WIPF2: variants seen among roughly 807,000 people sequenced by gnomAD.
WIPF2 encodes the protein WAS/WASL interacting protein family member 2, also known as WAS/WASL-interacting protein family member 2.
A neutral mutation model predicts 38.8 loss-of-function variants in WIPF2; 23 were observed. The observed-to-expected ratio is 0.59, with a 90% CI of 0.43 to 0.84. The LOEUF is 0.84. Among genes scored for constraint, WIPF2 ranks in the 40% least tolerant of loss-of-function variants. WIPF2 has a pLI of 0.00. For missense variants in WIPF2, 574 were observed against 580.5 expected, an observed-to-expected ratio of 0.99 and a Z score of 0.11; for synonymous variants, 210 against 223.2, an observed-to-expected ratio of 0.94 and a Z score of 0.53.
intron 1 of WIPF2, among the ~76,000 whole-genome samples, chr17:40,230,175 T>C (rs981260340): frequency 2.6e-5 from 4 of 152,116 alleles, no homozygotes; most frequent in Non-Finnish European, 5.9e-5. Flanking sequence ...CCCCAGTCTC[T>C]ATATAATTAA....
intron 1 of WIPF2, among the ~76,000 whole-genome samples, chr17:40,246,939 G>A (rs956529575): frequency 3.3e-5 from 5 of 151,742 alleles, no homozygotes; most frequent in African/African-American, 1.2e-4. Context: ...GTGAAACCCC[G>A]TCTCTACTAA....
At chr17:40,228,698 G>A (rs1376746937) in intron 1 of WIPF2, among the ~76,000 whole-genome samples, 1 of 151,750 alleles carries the variant, frequency 6.6e-6, no homozygotes, top group Non-Finnish European at 1.5e-5. Context: ...GTGCAAACAT[G>A]GTTCATTGTA....
chr17:40,219,447 G>A lies in WIPF2; in HGVS notation c.-115G>A, dbSNP rs960082419. 2.0e-5 allele frequency: 6 copies of A among 299,542 alleles called. No homozygotes were observed. The Admixed American group carries it at 2.7e-4, about 13-fold the overall frequency. 18.6% of individuals were successfully genotyped at this position (299,542 alleles called of 1,614,324 possible). On this transcript the variant is annotated 5_prime_UTR_variant, in exon 1 of 8. Coordinates refer to ENST00000323571, the MANE Select transcript of WIPF2 (RefSeq NM_133264.5). ...GGGGCGAGCAGGACAGGACGAAGCC[G>A]GAGTGTAGGCGGCAGAGGATTCGCT...
In WIPF2 at chr17:40,232,339, G is replaced by A. The variant is rs185502064; in HGVS notation, c.-70+12847G>A. Among the ~76,000 whole-genome samples the A allele has an allele frequency of 5.3e-5, 8 of 151,670 alleles. No homozygotes were observed. In the East Asian group the frequency reaches 9.7e-4, roughly 18 times the overall value. On this transcript the variant is annotated intron_variant, in intron 1 of 7. Transcript: ENST00000323571. ...GGAGTAGCTGGAATCACAGGTGCACGCCACCACACACAGCTAATTTTTGTA... is the reference window on the plus strand; with the variant it reads ...GGAGTAGCTGGAATCACAGGTGCACACCACCACACACAGCTAATTTTTGTA...
intron 5 of WIPF2, among the ~76,000 whole-genome samples, chr17:40,266,807 C>T (rs1321496949): frequency 6.6e-6 from 1 of 151,846 alleles, no homozygotes; most frequent in Non-Finnish European, 1.5e-5. Flanking sequence ...TGGAGGAGGC[C>T]AGAGAAAAGA....
At chr17:40,247,251 T>G (rs915191458) in intron 1 of WIPF2, among the ~76,000 whole-genome samples, 2 of 131,350 alleles carry the variant, frequency 1.5e-5, no homozygotes, top group Non-Finnish European at 3.2e-5. Context: ...AGGATCTTGC[T>G]CTGTTGCCCA....
chr17:40,277,762 G>A (rs563993817), intron 7 of WIPF2, among the ~76,000 whole-genome samples: 8 of 93,202 alleles, frequency 8.6e-5, no homozygotes, highest in Admixed American at 2.2e-4. Context: ...TCTCCCTATC[G>A]TCACCCAGGC....
intron 6 of WIPF2, 71 bp from the exon 7 acceptor site, chr17:40,277,012 G>A: frequency 7.5e-7 from 1 of 1,338,728 alleles, no homozygotes; most frequent in South Asian, 1.3e-5. Flanking sequence ...AGTGGGGAGG[G>A]TCGAAGCGAT....
intron 1 of WIPF2, among the ~76,000 whole-genome samples, chr17:40,240,230 T>A (rs2031140267): frequency 6.6e-6 from 1 of 151,904 alleles, no homozygotes; most frequent in Non-Finnish European, 1.5e-5. Flanking sequence ...AATCGGCTAA[T>A]TTTTTTGTAT....
intron 5 of WIPF2, among the ~76,000 whole-genome samples, chr17:40,268,374 A>C (rs1249645766): frequency 6.6e-6 from 1 of 152,010 alleles, no homozygotes; most frequent in Admixed American, 6.6e-5. Flanking sequence ...TTCAGGTTTG[A>C]CTTTTTTTTT....
intron 1 of WIPF2, 31 bp from the exon 2 acceptor site, chr17:40,256,360 T>C: frequency 6.5e-7 from 1 of 1,536,756 alleles, no homozygotes; most frequent in Non-Finnish European, 8.7e-7. Flanking sequence ...ATGGTAAAGC[T>C]GTTCTTAATG....
intron 1 of WIPF2, among the ~76,000 whole-genome samples, chr17:40,243,262 A>G (rs1383441526): frequency 1.3e-5 from 2 of 152,156 alleles, no homozygotes; most frequent in Non-Finnish European, 1.5e-5. Context: ...GCTTATTAAC[A>G]TTAGTGTCAC....
chr17:40,260,612 G>A lies in WIPF2; in HGVS notation c.141G>A (p.Gly47=). The A allele has an allele frequency of 6.2e-7, 1 of 1,613,884 alleles. No homozygotes were observed. The highest frequency in any genetic ancestry group is 2.2e-5 in the East Asian group (1 of 44,852). Residue 47 remains glycine, a synonymous_variant, in exon 3 of 8, where the codon GGG becomes GGA. Coordinates refer to ENST00000323571, the MANE Select transcript of WIPF2 (RefSeq NM_133264.5). ...RGALLQDICK[G]TKLKKVTNIN... ...CCCTCTTACAGGACATTTGCAAAGG[G>A]ACCAAGCTGAAGAAGGTGACCAACA... is the stretch of plus-strand genomic sequence containing the variant.
At chr17:40,242,611 A>T (rs1477237575) in intron 1 of WIPF2, among the ~76,000 whole-genome samples, 1 of 152,142 alleles carries the variant, frequency 6.6e-6, no homozygotes, top group Non-Finnish European at 1.5e-5. Context: ...CATGTTGGCC[A>T]GGCCGGTCTC....
At chr17:40,252,043 G>T (rs2031575765) in intron 1 of WIPF2, among the ~76,000 whole-genome samples, 1 of 152,024 alleles carries the variant, frequency 6.6e-6, no homozygotes, top group Admixed American at 6.6e-5. Flanking sequence ...TCCCTTCTTG[G>T]CCCCCTGAAT....
intron 1 of WIPF2, among the ~76,000 whole-genome samples, chr17:40,236,177 A>T (rs973161436): frequency 6.6e-6 from 1 of 150,736 alleles, no homozygotes; most frequent in Non-Finnish European, 1.5e-5. Flanking sequence ...CGTGTTGGCC[A>T]TGCTGGTCTC....
At position 40,256,436 on chromosome 17, in the gene WIPF2, G is replaced by C. The variant is rs377721266; in HGVS notation, c.-24G>C. 2 of 1,605,482 alleles carry C rather than the reference G, an allele frequency of 1.2e-6. No individual in the cohort carries two copies. The highest frequency in any genetic ancestry group is 1.7e-6 in the Non-Finnish European group (2 of 1,177,132). The stretch of plus-strand genomic sequence containing the variant: ...TACAAATAAAGACGGAGAGAGAACA[G>C]TGCCAACTGGGAGCAGGGCAAGAAT... On this transcript the variant is annotated 5_prime_UTR_variant, in exon 2 of 8. Coordinates refer to ENST00000323571, the MANE Select transcript of WIPF2 (RefSeq NM_133264.5).
At chr17:40,247,972 G>A (rs1341278025) in intron 1 of WIPF2, among the ~76,000 whole-genome samples, 1 of 152,098 alleles carries the variant, frequency 6.6e-6, no homozygotes, top group East Asian at 1.9e-4. Flanking sequence ...TTCATTTGTT[G>A]CAATTGTCTT....
At chr17:40,238,903 G>C (rs1207765482) in intron 1 of WIPF2, among the ~76,000 whole-genome samples, 2 of 151,850 alleles carry the variant, frequency 1.3e-5, no homozygotes, top group Non-Finnish European at 2.9e-5. Context: ...GAGCCACCGT[G>C]CCCGGCCATT....
Sources: gnomAD v4.1 joint callset for allele counts (sites outside exome capture counted in the v4.1 genomes callset) on GRCh38, gnomAD v4.1.1 for gene constraint, MANE v1.5 for transcripts, NCBI Gene and HGNC (gene_info 2026-07-23, HGNC 2026-07-21) for gene names.